PARD3: variants seen among roughly 807,000 people sequenced by gnomAD.
The protein encoded by PARD3 is par-3 family cell polarity regulator.
PARD3 carries 75 observed loss-of-function variants against 155.4 expected under a neutral mutation model. The ratio of observed to expected loss-of-function variants is 0.48; its 90% CI spans 0.40 to 0.58. The LOEUF (loss-of-function observed/expected upper bound fraction) is 0.58. Among genes scored for constraint, PARD3 ranks in the 20% least tolerant of loss-of-function variants. The pLI, the probability that PARD3 is intolerant of heterozygous loss-of-function variation, is 0.00. For synonymous variants in PARD3, 576 were observed against 610.5 expected (o/e 0.94, Z 0.83); for missense variants, 1,642 against 1,721.7 (o/e 0.95, Z 0.82).
At chr10:34,352,515 T>C (rs577818428) in intron 14 of PARD3, among the ~76,000 whole-genome samples, 7 of 152,312 alleles carry the variant, frequency 4.6e-5, no homozygotes, top group Non-Finnish European at 8.8e-5. Context: ...CTGACTGGTT[T>C]TTGTATTTTT....
intron 22 of PARD3, among the ~76,000 whole-genome samples, chr10:34,190,777 A>T (rs1950670933): frequency 6.6e-6 from 1 of 152,214 alleles, no homozygotes; most frequent in Admixed American, 6.5e-5. Flanking sequence ...GGGTGAGAAA[A>T]GAAAAAACTC....
intron 2 of PARD3, among the ~76,000 whole-genome samples, chr10:34,685,633 G>A (rs940568406): frequency 1.4e-4 from 21 of 147,410 alleles, no homozygotes; most frequent in African/African-American, 4.0e-4. Flanking sequence ...TCACTTTGTC[G>A]CCCAGGCTGG....
chr10:34,668,657 T>A (rs988950656), intron 2 of PARD3, among the ~76,000 whole-genome samples: 1 of 152,198 alleles, frequency 6.6e-6, no homozygotes, highest in African/African-American at 2.4e-5. Context: ...GGTACATATT[T>A]AATTTTCATT....
chr10:34,657,960 C>T (rs892789093), intron 2 of PARD3, among the ~76,000 whole-genome samples: 1 of 152,032 alleles, frequency 6.6e-6, no homozygotes, highest in African/African-American at 2.4e-5. Flanking sequence ...TCCTAGCTAA[C>T]ACAGTGAAAC....
chr10:34,426,199 TA>T (rs1237899879), intron 5 of PARD3, among the ~76,000 whole-genome samples: 1 of 152,230 alleles, frequency 6.6e-6, no homozygotes, highest in African/African-American at 2.4e-5. Context: ...AACAGTTTAG[TA>T]AAAGGATGAG....
At chr10:34,551,599 C>T (rs1175498812) in intron 2 of PARD3, among the ~76,000 whole-genome samples, 1 of 152,176 alleles carries the variant, frequency 6.6e-6, no homozygotes, top group Admixed American at 6.5e-5. Context: ...CTGCCTGGGA[C>T]CAAAACTAAG....
intron 1 of PARD3, among the ~76,000 whole-genome samples, chr10:34,716,993 T>C (rs1194803533): frequency 1.3e-5 from 2 of 152,140 alleles, no homozygotes; most frequent in African/African-American, 4.8e-5. Context: ...CAGATATTGT[T>C]AGTGTATTTT....
intron 5 of PARD3, among the ~76,000 whole-genome samples, chr10:34,432,023 C>T (rs1296524473): frequency 1.1e-5 from 1 of 92,284 alleles, no homozygotes; most frequent in African/African-American, 4.6e-5. Context: ...GCCTGGGCTA[C>T]AGAGTGAGAC....
chr10:34,439,368 CAAT>C (rs1357212759), intron 5 of PARD3, among the ~76,000 whole-genome samples: 2 of 150,824 alleles, frequency 1.3e-5, no homozygotes, highest in African/African-American at 4.9e-5. Flanking sequence ...TTCCATCTTA[CAAT>C]TTGGAAATGA....
chr10:34,318,622 T>TTAG (rs1958167423), intron 19 of PARD3, among the ~76,000 whole-genome samples: 1 of 152,166 alleles, frequency 6.6e-6, no homozygotes, highest in Non-Finnish European at 1.5e-5. Context: ...TCCCAATATC[T>TTAG]TAGATTTCTG....
chr10:34,543,277 A>C (rs753687966), intron 2 of PARD3, among the ~76,000 whole-genome samples: 18 of 152,200 alleles, frequency 1.2e-4, no homozygotes, highest in Non-Finnish European at 2.5e-4. Flanking sequence ...TCTCCAAAAA[A>C]TAAAAATTAA....
chr10:34,164,735 T>C (rs1949441858), intron 22 of PARD3, among the ~76,000 whole-genome samples: 1 of 152,224 alleles, frequency 6.6e-6, no homozygotes, highest in African/African-American at 2.4e-5. Context: ...GAATTGTATG[T>C]AAAGTTGTTC....
chr10:34,519,593 C>T (rs2133665302), intron 2 of PARD3, among the ~76,000 whole-genome samples: 1 of 152,140 alleles, frequency 6.6e-6, no homozygotes, highest in African/African-American at 2.4e-5. Flanking sequence ...GCGGGCGGAT[C>T]ATTTGAGTTC....
intron 2 of PARD3, among the ~76,000 whole-genome samples, chr10:34,654,996 CCTTTTT>C (rs2093125506): frequency 6.6e-6 from 1 of 151,958 alleles, no homozygotes; most frequent in Non-Finnish European, 1.5e-5. Flanking sequence ...CAGGACAAAT[CCTTTTT>C]CTGAGTCCAA....
chr10:34,563,590 G>T (rs562241931), intron 2 of PARD3, among the ~76,000 whole-genome samples: 2 of 151,420 alleles, frequency 1.3e-5, no homozygotes, highest in Admixed American at 6.6e-5. Context: ...GAGTGCAATG[G>T]TATGATATTG....
intron 22 of PARD3, among the ~76,000 whole-genome samples, chr10:34,213,367 C>A (rs1274985780): frequency 6.6e-6 from 1 of 152,206 alleles, no homozygotes; most frequent in Non-Finnish European, 1.5e-5. Flanking sequence ...TTAATCTATT[C>A]ATGAGGATCT....
At chr10:34,575,539 A>G (rs978863519) in intron 2 of PARD3, among the ~76,000 whole-genome samples, 1 of 152,214 alleles carries the variant, frequency 6.6e-6, no homozygotes, top group African/African-American at 2.4e-5. Context: ...GGCCTGACAC[A>G]TGAACTCATA....
At chr10:34,613,376 C>A (rs1003417390) in intron 2 of PARD3, among the ~76,000 whole-genome samples, 2 of 152,108 alleles carry the variant, frequency 1.3e-5, no homozygotes, top group African/African-American at 4.8e-5. Context: ...AAAGCAGCCC[C>A]AAAACACTTT....
intron 1 of PARD3, among the ~76,000 whole-genome samples, chr10:34,737,122 G>C (rs1341129952): frequency 6.6e-6 from 1 of 152,234 alleles, no homozygotes; most frequent in Admixed American, 6.5e-5. Flanking sequence ...GGGTGAAGGG[G>C]AGAAAGGGGG....
Sources: allele counts gnomAD v4.1 joint callset (sites outside exome capture counted in the v4.1 genomes callset), GRCh38; gene constraint gnomAD v4.1.1; transcripts MANE v1.5; gene names NCBI Gene and HGNC (gene_info 2026-07-23, HGNC 2026-07-21).